ATP5PF: variants seen among roughly 807,000 people sequenced by gnomAD.
ATP5PF encodes the protein ATP synthase peripheral stalk subunit F6.
Under a neutral mutation model 12.0 loss-of-function variants are expected in ATP5PF, and 7 were observed. The ratio of observed to expected loss-of-function variants is 0.58; its 90% CI spans 0.33 to 1.10. The LOEUF is 1.10. Ranked by LOEUF, ATP5PF falls within the 50% of genes least tolerant of loss-of-function variation. The probability of loss-of-function intolerance (pLI) is 0.03; values close to 1 mark genes in which losing one functional copy is unlikely to be tolerated. For missense variants in ATP5PF, 120 were observed against 127.7 expected, an observed-to-expected ratio of 0.94 and a Z score of 0.29; for synonymous variants, 41 against 45.4, an observed-to-expected ratio of 0.90 and a Z score of 0.39.
intron 1 of ATP5PF, chr21:25,734,303 A>G (rs1009343779): frequency 1.0e-6 from 1 of 984,686 alleles, no homozygotes; most frequent in Non-Finnish European, 1.2e-6. Context: ...TCTGGGTGGG[A>G]GCATGGTTCT....
chr21:25,734,850 C>A lies in ATP5PF; in HGVS notation c.-8+3G>T. ...ACGCTGATCTAGCTACCCTCCCAGT[C>A]ACCTTGCACTCAGTCCCGAGCTGCC... On this transcript the variant is annotated splice_donor_region_variant and intron_variant, in intron 1 of 3. Transcript: ENST00000284971. 6.5e-7 allele frequency: 1 copy of A among 1,537,840 alleles called. No individual in the cohort carries two copies. The highest frequency in any genetic ancestry group is 1.2e-5 in the South Asian group (1 of 83,960).
At chr21:25,735,179 T>G, upstream of ATP5PF, 1 of 605,560 alleles carries the variant, frequency 1.7e-6, no homozygotes, top group Non-Finnish European at 3.0e-6. Context: ...ATGCGCTCTT[T>G]GAGTGGCCTT....
rs958917807 is a variant in ATP5PF, at chr21:25,725,268, C to G, written c.247G>C (p.Gly83Arg). The G allele has an allele frequency of 1.2e-5, 19 of 1,613,172 alleles. No homozygotes were observed. Among genetic ancestry groups the G allele is most frequent in the Non-Finnish European group, 1.5e-5 (18 of 1,179,912 alleles). Residue 83 changes from glycine (G) to arginine (R), a missense_variant, in exon 3 of 4, where the codon GGT becomes CGT. Physicochemically the swap from Gly to Arg is moderately radical, Grantham distance 125. Coordinates refer to ENST00000284971, the MANE Select transcript of ATP5PF (RefSeq NM_001003703.2). ...GGAAATGTATTCATGTCTGCATTAC[C>G]AAACATTTGCTTGAGCTTAAAAAGC... is the stretch of plus-strand genomic sequence containing the variant. ...RELFKLKQMF[G>R]NADMNTFPTF... is the part of the protein sequence containing the mutation.
chr21:25,728,012 G>C (rs1299852005), intron 2 of ATP5PF, among the ~76,000 whole-genome samples: 1 of 152,122 alleles, frequency 6.6e-6, no homozygotes. Context: ...TCAAAAGTCA[G>C]TTTTCTTTTA....
chr21:25,734,798 A>C, intron 1 of ATP5PF, 55 bp downstream of exon 1: 2 of 1,497,910 alleles, frequency 1.3e-6, no homozygotes, highest in Non-Finnish European at 8.9e-7. Flanking sequence ...CTCGTGAAAA[A>C]ACCCAGAACT....
chr21:25,734,983 G>A, upstream of ATP5PF: 2 of 1,558,380 alleles, frequency 1.3e-6, no homozygotes, highest in Non-Finnish European at 1.7e-6. Context: ...GTCGGTCGAC[G>A]CTCACCGGAC....
At chr21:25,729,425 CTTG>C (rs914339302) in intron 2 of ATP5PF, among the ~76,000 whole-genome samples, 2 of 152,026 alleles carry the variant, frequency 1.3e-5, no homozygotes, top group Non-Finnish European at 2.9e-5. Flanking sequence ...AGGATTTTCC[CTTG>C]TAACTCATAT....
intron 1 of ATP5PF, chr21:25,734,356 T>C (rs1181796803): frequency 8.1e-6 from 8 of 986,682 alleles, no homozygotes; most frequent in Non-Finnish European, 9.6e-6. Context: ...GTAGGTTCGC[T>C]GCCTCTTCAG....
chr21:25,729,005 T>A (rs995273290), intron 2 of ATP5PF, among the ~76,000 whole-genome samples: 2 of 152,212 alleles, frequency 1.3e-5, no homozygotes, highest in Admixed American at 6.5e-5. Flanking sequence ...AGATTTGGGT[T>A]TGGACCTGAT....
intron 2 of ATP5PF, among the ~76,000 whole-genome samples, chr21:25,727,900 A>G (rs917378831): frequency 6.6e-6 from 1 of 152,208 alleles, no homozygotes; most frequent in African/African-American, 2.4e-5. Flanking sequence ...GAGTTTCATT[A>G]CCATGTCTAC....
chr21:25,725,707 C>T (rs1971497), intron 2 of ATP5PF, among the ~76,000 whole-genome samples: 5,330 of 152,168 alleles, frequency 0.035, 286 homozygotes, highest in African/African-American at 0.12. Context: ...CATAAGTGCT[C>T]GGATTACAGG....
intron 1 of ATP5PF, among the ~76,000 whole-genome samples, chr21:25,732,138 T>TTC (rs2034799023): frequency 6.6e-6 from 1 of 152,258 alleles, no homozygotes; most frequent in Non-Finnish European, 1.5e-5. Context: ...GTGAGTTTTT[T>TTC]TCTCTCCAAG....
chr21:25,735,142 C>T, upstream of ATP5PF: 5 of 669,158 alleles, frequency 7.5e-6, no homozygotes, highest in Admixed American at 2.2e-5. Flanking sequence ...GTTCTTTTTC[C>T]CCTCCTTGAA....
chr21:25,734,922 C>A, upstream of ATP5PF: 1 of 1,570,660 alleles, frequency 6.4e-7, no homozygotes. Context: ...GCCCTGGCTC[C>A]GCCCCCACAC....
intron 2 of ATP5PF, among the ~76,000 whole-genome samples, chr21:25,725,718 C>T (rs975926596): frequency 6.6e-6 from 1 of 152,188 alleles, no homozygotes; most frequent in Non-Finnish European, 1.5e-5. Flanking sequence ...GGATTACAGG[C>T]GTGAGCCACC....
At chr21:25,733,666 C>T (rs1001226740) in intron 1 of ATP5PF, among the ~76,000 whole-genome samples, 1 of 152,166 alleles carries the variant, frequency 6.6e-6, no homozygotes, top group South Asian at 2.1e-4. Flanking sequence ...TAGGTTCACC[C>T]GACATTTGCT....
intron 2 of ATP5PF, among the ~76,000 whole-genome samples, 196 bp from the exon 3 acceptor site, chr21:25,725,546 TCTC>T (rs2034596343): frequency 6.6e-6 from 1 of 152,114 alleles, no homozygotes; most frequent in African/African-American, 2.4e-5. Context: ...TTCAAGCGAT[TCTC>T]CTGTCTCAGC....
chr21:25,732,219 A>T (rs776082293), intron 1 of ATP5PF, among the ~76,000 whole-genome samples: 2 of 152,208 alleles, frequency 1.3e-5, no homozygotes, highest in Non-Finnish European at 2.9e-5. Context: ...GCTTATAATG[A>T]GTACAAAGCC....
At chr21:25,735,187 C>T (rs1383328094), upstream of ATP5PF, 4 of 602,516 alleles carry the variant, frequency 6.6e-6, no homozygotes, top group African/African-American at 5.5e-5. Context: ...TTTGAGTGGC[C>T]TTTCCCCTAG....
Sources: gnomAD v4.1 joint callset for allele counts (sites outside exome capture counted in the v4.1 genomes callset) on GRCh38, gnomAD v4.1.1 for gene constraint, MANE v1.5 for transcripts, NCBI Gene and HGNC (gene_info 2026-07-23, HGNC 2026-07-21) for gene names.